PCDHA9: variants seen among roughly 807,000 people sequenced by gnomAD.
PCDHA9 encodes the protein protocadherin alpha 9, also known as protocadherin alpha-9.
PCDHA9 carries 62 observed loss-of-function variants against 62.0 expected under a neutral mutation model. That is an observed-to-expected ratio of 1.00 (90% CI 0.81 to 1.23). PCDHA9 has a LOEUF of 1.23. Among genes scored for constraint, PCDHA9 ranks in the 50% most tolerant of loss-of-function variants. The probability of loss-of-function intolerance (pLI) is 0.00; values close to 1 mark genes in which losing one functional copy is unlikely to be tolerated. For missense variants in PCDHA9, 1,205 were observed against 1,249.8 expected (o/e 0.96, Z 0.54); for synonymous variants, 557 against 567.6 (o/e 0.98, Z 0.27).
At chr5:140,901,654 T>C (rs1274474554) in intron 1 of PCDHA9, among the ~76,000 whole-genome samples, 6 of 152,194 alleles carry the variant, frequency 3.9e-5, no homozygotes. Flanking sequence ...GTTTTGTTCT[T>C]TTTGCTCAAG....
chr5:140,850,001 C>T lies in PCDHA9; in HGVS notation c.1506C>T (p.Arg502=). The change falls in exon 1 of 4, where the codon CGC becomes CGT. Residue 502 remains arginine (R), a synonymous_variant. Transcript: ENST00000532602. The part of the protein sequence containing the change: ...YSLVERRLGE[R]SLSSYVSVHA... ...TGGTGGAGCGGCGGTTGGGCGAGCG[C>T]TCGCTGTCGAGCTACGTGTCAGTGC... The T allele has an allele frequency of 6.3e-7, 1 of 1,597,070 alleles. No homozygotes were observed. The highest frequency in any genetic ancestry group is 8.6e-7 in the Non-Finnish European group (1 of 1,167,846).
intron 3 of PCDHA9, among the ~76,000 whole-genome samples, chr5:140,989,698 A>G (rs145222021): frequency 6.6e-6 from 1 of 152,344 alleles, no homozygotes; most frequent in African/African-American, 2.4e-5. Flanking sequence ...TGAAAATTTT[A>G]TCTTCAGAGG....
chr5:140,927,451 T>C (rs782170767), intron 1 of PCDHA9: 4 of 1,614,082 alleles, frequency 2.5e-6, no homozygotes, highest in South Asian at 1.1e-5. Context: ...GGAGTTGGTG[T>C]TGGAGAAAGC....
chr5:140,888,647 T>C (rs781796685), intron 1 of PCDHA9, among the ~76,000 whole-genome samples: 2 of 152,244 alleles, frequency 1.3e-5, no homozygotes, highest in African/African-American at 2.4e-5. Context: ...AATACTTTCC[T>C]GAGGACACCA....
intron 1 of PCDHA9, chr5:140,966,926 C>G (rs782811757): frequency 1.9e-6 from 3 of 1,603,462 alleles, no homozygotes; most frequent in Admixed American, 1.7e-5. Flanking sequence ...GGAGCAGGCA[C>G]CCGGCGCGCT....
intron 1 of PCDHA9, chr5:140,859,934 A>G (rs2046100230): frequency 1.3e-5 from 2 of 152,070 alleles, no homozygotes; most frequent in Non-Finnish European, 2.9e-5. Flanking sequence ...TAAAAAACTT[A>G]GTAAAAACTC....
At chr5:140,931,444 A>T (rs2087532526) in intron 1 of PCDHA9, among the ~76,000 whole-genome samples, 1 of 135,860 alleles carries the variant, frequency 7.4e-6, no homozygotes, top group Non-Finnish European at 1.6e-5. Context: ...TTAGCTATTT[A>T]AAAGGAAAAA....
At chr5:140,966,789 C>T (rs782194817) in intron 1 of PCDHA9, 3 of 1,528,688 alleles carry the variant, frequency 2.0e-6, no homozygotes, top group Non-Finnish European at 2.6e-6. Flanking sequence ...GGCACCAGAC[C>T]TGCGGCGACA....
chr5:140,876,853 A>G, intron 1 of PCDHA9: 1 of 1,614,094 alleles, frequency 6.2e-7, no homozygotes. Context: ...GCCCGAGTAC[A>G]CAGTGTTCGT....
intron 1 of PCDHA9, among the ~76,000 whole-genome samples, chr5:140,890,853 C>T (rs1202284942): frequency 1.3e-5 from 2 of 152,058 alleles, no homozygotes; most frequent in Non-Finnish European, 2.9e-5. Flanking sequence ...GTTTCTCTTC[C>T]TTACTTCTTG....
chr5:140,877,389 G>A (rs1554169667), intron 1 of PCDHA9: 3 of 1,613,994 alleles, frequency 1.9e-6, no homozygotes, highest in South Asian at 1.1e-5. Flanking sequence ...TCCTGGATGA[G>A]GCGGACGCTC....
chr5:140,994,189 G>T (rs992894961), intron 3 of PCDHA9, among the ~76,000 whole-genome samples: 2 of 152,176 alleles, frequency 1.3e-5, no homozygotes, highest in Admixed American at 6.5e-5. Context: ...AACCACCAGG[G>T]CCTGTTGGTC....
At chr5:140,856,040 A>T (rs374986437) in intron 1 of PCDHA9, 4 of 1,569,320 alleles carry the variant, frequency 2.5e-6, no homozygotes, top group Non-Finnish European at 3.5e-6. Flanking sequence ...AAAACAAGAG[A>T]AGGATAAGAT....
intron 1 of PCDHA9, chr5:140,927,642 T>A: frequency 6.2e-7 from 1 of 1,614,156 alleles, no homozygotes; most frequent in Non-Finnish European, 8.5e-7. Flanking sequence ...CCAATGGGAC[T>A]GTGTTATTCC....
intron 3 of PCDHA9, among the ~76,000 whole-genome samples, chr5:141,006,369 G>A (rs2098270445): frequency 1.3e-5 from 2 of 151,784 alleles, no homozygotes; most frequent in Admixed American, 6.6e-5. Context: ...CCACCACCAC[G>A]CCCGGCTAAG....
At chr5:140,902,176 C>T (rs1488205989) in intron 1 of PCDHA9, among the ~76,000 whole-genome samples, 1 of 146,420 alleles carries the variant, frequency 6.8e-6, no homozygotes, top group Non-Finnish European at 1.5e-5. Context: ...TTTGGATGTC[C>T]TTTATGTCTT....
chr5:140,860,512 T>A (rs1379513509), intron 1 of PCDHA9: 3 of 152,166 alleles, frequency 2.0e-5, no homozygotes, highest in African/African-American at 7.2e-5. Context: ...AAGATAAAAC[T>A]CTTCATGGAA....
chr5:140,861,870 GC>G (rs1319389506), intron 1 of PCDHA9: 1 of 156,092 alleles, frequency 6.4e-6, no homozygotes, highest in East Asian at 1.9e-4. Context: ...ACTGATGGGG[GC>G]GAAGCTGAGC....
At chr5:140,882,235 A>G (rs782339930) in intron 1 of PCDHA9, 9 of 1,580,864 alleles carry the variant, frequency 5.7e-6, no homozygotes, top group Admixed American at 1.8e-5. Flanking sequence ...CGTTGTATAT[A>G]TTGCAGATAG....
Sources: gnomAD v4.1 joint callset for allele counts (sites outside exome capture counted in the v4.1 genomes callset) on GRCh38, gnomAD v4.1.1 for gene constraint, MANE v1.5 for transcripts, NCBI Gene and HGNC (gene_info 2026-07-23, HGNC 2026-07-21) for gene names.